Variants in INTS9 observed in about 807,000 individuals in gnomAD.
INTS9 encodes integrator complex subunit 9, also known as protein related to CPSF subunits of 74 kDa.
Under a neutral mutation model 79.7 loss-of-function variants are expected in INTS9, and 55 were observed. The observed-to-expected ratio is 0.69, with a 90% CI of 0.56 to 0.86. The LOEUF (loss-of-function observed/expected upper bound fraction) is 0.86. Among genes scored for constraint, INTS9 ranks in the 40% least tolerant of loss-of-function variants. INTS9 has a pLI of 0.00. For missense variants in INTS9, 721 were observed against 831.5 expected (o/e 0.87, Z 1.64); for synonymous variants, 319 against 325.2 (o/e 0.98, Z 0.20).
intron 16 of INTS9, 152 bp downstream of exon 16, chr8:28,769,736 TC>T: frequency 1.1e-6 from 1 of 938,812 alleles, no homozygotes; most frequent in Non-Finnish European, 1.5e-6. Context: ...CTCCTGGGTC[TC>T]CCAGCAGGAC....
At chr8:28,795,832 AAACT>A (rs767415967) in intron 9 of INTS9, among the ~76,000 whole-genome samples, 7 of 152,304 alleles carry the variant, frequency 4.6e-5, no homozygotes, top group East Asian at 1.9e-4. Flanking sequence ...ACGGCAGCCC[AAACT>A]AACTAAGACA....
At chr8:28,826,274 T>C (rs1166337842) in intron 6 of INTS9, among the ~76,000 whole-genome samples, 2 of 151,996 alleles carry the variant, frequency 1.3e-5, no homozygotes, top group Non-Finnish European at 2.9e-5. Context: ...TAGTGCCCAA[T>C]ATAAATGACA....
chr8:28,887,872 T>A (rs1205453577), intron 1 of INTS9, among the ~76,000 whole-genome samples: 1 of 152,232 alleles, frequency 6.6e-6, no homozygotes, highest in African/African-American at 2.4e-5. Flanking sequence ...TTTTTTACAA[T>A]CCCCGGTTTC....
intron 4 of INTS9, among the ~76,000 whole-genome samples, chr8:28,840,616 A>G (rs1807120743): frequency 7.0e-6 from 1 of 143,862 alleles, no homozygotes; most frequent in Admixed American, 7.0e-5. Context: ...GCAGCCATAA[A>G]AAATGATGAG....
At chr8:28,851,315 A>C (rs13259628) in intron 2 of INTS9, among the ~76,000 whole-genome samples, 65,025 of 151,962 alleles carry the variant, frequency 0.43, 15,537 homozygotes, top group Non-Finnish European at 0.54. Context: ...CAAAAGCATA[A>C]ATATGTGAAT....
intron 1 of INTS9, among the ~76,000 whole-genome samples, chr8:28,867,884 A>T (rs1420050751): frequency 6.6e-6 from 1 of 152,178 alleles, no homozygotes; most frequent in East Asian, 1.9e-4. Context: ...TAATCCTCCC[A>T]AGAATGCCAT....
At chr8:28,773,270 T>C (rs557676145) in intron 14 of INTS9, among the ~76,000 whole-genome samples, 2 of 152,092 alleles carry the variant, frequency 1.3e-5, no homozygotes, top group Admixed American at 6.5e-5. Flanking sequence ...GAGACCATCC[T>C]GGCTAACACG....
chr8:28,830,759 A>G (rs1045812665), intron 6 of INTS9, among the ~76,000 whole-genome samples: 7 of 152,092 alleles, frequency 4.6e-5, no homozygotes, highest in Non-Finnish European at 1.0e-4. Flanking sequence ...GTTTTCCAAT[A>G]ATTAGACTCT....
chr8:28,780,711 T>G, intron 12 of INTS9, 112 bp downstream of exon 12: 1 of 1,510,722 alleles, frequency 6.6e-7, no homozygotes, highest in Non-Finnish European at 8.8e-7. Context: ...TAGAACAATG[T>G]TTGTATTTAT....
chr8:28,839,015 C>T (rs997807624), intron 4 of INTS9, among the ~76,000 whole-genome samples: 9 of 152,154 alleles, frequency 5.9e-5, no homozygotes, highest in Non-Finnish European at 1.0e-4. Context: ...CAGAGACAAC[C>T]TGTCACTCAC....
At chr8:28,788,698 C>A (rs1437416119) in intron 10 of INTS9, among the ~76,000 whole-genome samples, 1 of 152,216 alleles carries the variant, frequency 6.6e-6, no homozygotes, top group Admixed American at 6.5e-5. Context: ...AGATTACAGG[C>A]GTGAGCCACT....
At chr8:28,821,440 C>A (rs1585413898) in intron 6 of INTS9, among the ~76,000 whole-genome samples, 1 of 152,172 alleles carries the variant, frequency 6.6e-6, no homozygotes, top group African/African-American at 2.4e-5. Flanking sequence ...TCCATTATCT[C>A]CCCCTGGGTC....
intron 11 of INTS9, among the ~76,000 whole-genome samples, chr8:28,786,426 A>C (rs35998243): frequency 6.6e-6 from 1 of 152,072 alleles, no homozygotes; most frequent in Non-Finnish European, 1.5e-5. Flanking sequence ...GGGTAGCTAG[A>C]ACTACAGGCA....
At position 28,767,948 on chromosome 8, in the gene INTS9, T is replaced by G; in HGVS notation, c.*198A>C. On this transcript the variant is annotated 3_prime_UTR_variant, in exon 17 of 17. Transcript: ENST00000521022. ...GTTGAGAAGAAAATGAGCCTGAAGT[T>G]GAAAGGGAAAGTTCTTGCCTGAAAC... 1.7e-6 allele frequency: 1 copy of G among 596,870 alleles called. No individual in the cohort carries two copies. Among genetic ancestry groups the G allele is most frequent in the Non-Finnish European group, 3.0e-6 (1 of 336,428 alleles). 37.0% of individuals were successfully genotyped at this position (596,870 alleles called of 1,614,324 possible). A position where few individuals can be genotyped will look rare whatever the true frequency, so the allele number is the denominator to read the frequency against.
chr8:28,807,840 T>G (rs1399201329), intron 8 of INTS9, among the ~76,000 whole-genome samples: 2 of 152,216 alleles, frequency 1.3e-5, no homozygotes, highest in African/African-American at 2.4e-5. Flanking sequence ...ATCATTGCTG[T>G]GCAACGTAGT....
At chr8:28,826,766 T>G (rs1806170489) in intron 6 of INTS9, among the ~76,000 whole-genome samples, 1 of 152,226 alleles carries the variant, frequency 6.6e-6, no homozygotes, top group African/African-American at 2.4e-5. Context: ...GCCTAAGTCT[T>G]GCCATTTGGC....
At chr8:28,812,250 G>A in intron 8 of INTS9, 77 bp downstream of exon 8, 2 of 1,406,356 alleles carry the variant, frequency 1.4e-6, no homozygotes, top group Non-Finnish European at 2.0e-6. Flanking sequence ...AAAAATGGCT[G>A]ATGGTTCCTT....
chr8:28,863,867 TG>T (rs1808585787), intron 1 of INTS9, among the ~76,000 whole-genome samples: 1 of 152,206 alleles, frequency 6.6e-6, no homozygotes, highest in Non-Finnish European at 1.5e-5. Flanking sequence ...TTATCTGCTG[TG>T]GGTATGGAGG....
At chr8:28,768,522 A>G in intron 16 of INTS9, 200 bp from the exon 17 acceptor site, 1 of 602,844 alleles carries the variant, frequency 1.7e-6, no homozygotes, top group Non-Finnish European at 2.9e-6. Context: ...CTCATGCAAA[A>G]CAACAGAATT....
Sources: allele counts gnomAD v4.1 joint callset (sites outside exome capture counted in the v4.1 genomes callset), GRCh38; gene constraint gnomAD v4.1.1; transcripts MANE v1.5; gene names NCBI Gene and HGNC (gene_info 2026-07-23, HGNC 2026-07-21).